TMEM94: variants seen among roughly 807,000 people sequenced by gnomAD.
TMEM94 encodes the protein transmembrane protein 94.
In TMEM94, 81 loss-of-function variants were observed where a neutral mutation model predicts 158.6. The observed-to-expected ratio is 0.51, with a 90% CI of 0.43 to 0.61. TMEM94 has a LOEUF of 0.61. Among genes scored for constraint, TMEM94 ranks in the 20% least tolerant of loss-of-function variants. TMEM94 has a pLI of 0.00. For synonymous variants in TMEM94, 751 were observed against 730.7 expected, an observed-to-expected ratio of 1.03 and a Z score of -0.45; for missense variants, 1,435 against 1,762.0, an observed-to-expected ratio of 0.81 and a Z score of 3.32.
intron 2 of TMEM94, chr17:75,476,686 GC>G: frequency 6.5e-7 from 1 of 1,535,700 alleles, no homozygotes; most frequent in Non-Finnish European, 8.7e-7. Context: ...TCAGACTCTG[GC>G]CCATGCTCTT....
intron 2 of TMEM94, among the ~76,000 whole-genome samples, chr17:75,478,640 CAG>C (rs900941147): frequency 2.0e-4 from 30 of 152,320 alleles, no homozygotes; most frequent in African/African-American, 7.0e-4. Context: ...GATGATAGAA[CAG>C]AGAGAGCAAG....
Position 75,491,279 on chromosome 17 carries a change from C to T in TMEM94, c.1234-24C>T. On this transcript the variant is annotated intron_variant, in intron 12 of 31. Transcript: ENST00000314256. The surrounding 1 kb of genome is among the most constrained non-coding windows in gnomAD (Gnocchi z 5.1). ...GATAGGCTAATGCCAGGCCCCTTTC[C>T]TATCTCAAATGCTTTCCATGCAGGT... is the stretch of plus-strand genomic sequence containing the variant. The T allele has an allele frequency of 6.2e-7, 1 of 1,609,694 alleles. No individual in the cohort carries two copies. Among genetic ancestry groups the T allele is most frequent in the Non-Finnish European group, 8.5e-7 (1 of 1,176,254 alleles).
intron 2 of TMEM94, among the ~76,000 whole-genome samples, chr17:75,473,222 A>G (rs974657660): frequency 4.6e-5 from 7 of 152,166 alleles, no homozygotes; most frequent in East Asian, 3.8e-4. Flanking sequence ...CAGCTGTGCA[A>G]TAGGTTTCTG....
At chr17:75,482,503 T>C (rs1484903391) in intron 2 of TMEM94, among the ~76,000 whole-genome samples, 1 of 150,254 alleles carries the variant, frequency 6.7e-6, no homozygotes, top group Admixed American at 6.7e-5. Context: ...CAAGACCCTG[T>C]CTCAATTTAA....
At chr17:75,482,304 C>G (rs1269659638) in intron 2 of TMEM94, among the ~76,000 whole-genome samples, 2 of 151,308 alleles carry the variant, frequency 1.3e-5, no homozygotes, top group African/African-American at 4.9e-5. Flanking sequence ...TGAGATTGCG[C>G]CACTGCACTC....
At chr17:75,479,773 G>T (rs374993807) in intron 2 of TMEM94, among the ~76,000 whole-genome samples, 18 of 152,274 alleles carry the variant, frequency 1.2e-4, no homozygotes, top group African/African-American at 4.1e-4. Flanking sequence ...CAAAAAATTA[G>T]CTGGGTGTCG....
intron 2 of TMEM94, among the ~76,000 whole-genome samples, chr17:75,479,540 G>A (rs943151554): frequency 6.8e-5 from 10 of 147,764 alleles, no homozygotes; most frequent in Non-Finnish European, 1.5e-4. Context: ...GGCTGGTCTC[G>A]AACTCCTCAT....
chr17:75,490,918 A>G, intron 11 of TMEM94, 131 bp from the exon 12 acceptor site: 1 of 939,944 alleles, frequency 1.1e-6, no homozygotes, highest in Non-Finnish European at 1.6e-6. Context: ...TAACGTGTCC[A>G]CACCCTGTCC....
chr17:75,478,164 C>T (rs1234600674), intron 2 of TMEM94, among the ~76,000 whole-genome samples: 2 of 89,494 alleles, frequency 2.2e-5, no homozygotes, highest in African/African-American at 4.3e-5. Context: ...GACAGGCGCC[C>T]GCCACTACGC....
chr17:75,489,429 G>T lies in TMEM94; in HGVS notation c.867+61G>T, dbSNP rs2051938688. On this transcript the variant is annotated intron_variant, in intron 8 of 31. Coordinates refer to ENST00000314256, the MANE Select transcript of TMEM94 (RefSeq NM_014738.6). This position sits in a 1 kb window ranked among gnomAD's most constrained non-coding sequence, Gnocchi z 5.0. ...CAGAGGAGAGGGCTGGACACGGGGG[G>T]GTCTCAGGGCCACTCACATGAGCGG... 6 of 1,546,038 alleles carry T rather than the reference G, an allele frequency of 3.9e-6. No homozygotes were observed. Among genetic ancestry groups the T allele is most frequent in the Admixed American group, 1.7e-5 (1 of 59,786 alleles).
chr17:75,478,329 TAAAA>T (rs57199058), intron 2 of TMEM94, among the ~76,000 whole-genome samples: 3 of 97,564 alleles, frequency 3.1e-5, no homozygotes, highest in African/African-American at 3.9e-5. Flanking sequence ...GACTCCATCT[TAAAA>T]AAAAAAAAAA....
At chr17:75,464,311 T>C (rs1334321527) in intron 1 of TMEM94, among the ~76,000 whole-genome samples, 1 of 151,996 alleles carries the variant, frequency 6.6e-6, no homozygotes, top group African/African-American at 2.4e-5. Flanking sequence ...CTGGGCAACA[T>C]AGACCCTGTC....
At chr17:75,493,256 C>A in intron 16 of TMEM94, 154 bp downstream of exon 16, 1 of 950,784 alleles carries the variant, frequency 1.1e-6, no homozygotes, top group Non-Finnish European at 1.5e-6. Context: ...GAATTGGGGA[C>A]CAGGGCTGGG....
chr17:75,488,053 G>C lies in TMEM94; in HGVS notation c.531G>C (p.Leu177=). 3 of 1,614,216 alleles carry C rather than the reference G, an allele frequency of 1.9e-6. No homozygotes were observed. The highest frequency in any genetic ancestry group is 2.5e-6 in the Non-Finnish European group (3 of 1,180,034). Residue 177 remains leucine, a synonymous_variant, in exon 6 of 32, where the codon CTG becomes CTC. Coordinates refer to ENST00000314256, the MANE Select transcript of TMEM94 (RefSeq NM_014738.6). ...ACAGAGACGGACACCTGGTCAACCT[G>C]CCAGTCAGCCTGCTGGTTGAAGGAG... ...WAYRDGHLVN[L]PVSLLVEGDI... is the part of the protein sequence containing the mutation.
At chr17:75,479,984 G>A (rs780820223) in intron 2 of TMEM94, among the ~76,000 whole-genome samples, 9 of 152,014 alleles carry the variant, frequency 5.9e-5, no homozygotes, top group Non-Finnish European at 7.4e-5. Context: ...CTGCTTGGAG[G>A]CTGAGGTGGG....
At position 75,489,862 on chromosome 17, in the gene TMEM94, T is replaced by C. The variant is rs553827966; in HGVS notation, c.954+200T>C. On this transcript the variant is annotated intron_variant, in intron 9 of 31. Coordinates refer to ENST00000314256, the MANE Select transcript of TMEM94 (RefSeq NM_014738.6). This position sits in a 1 kb window ranked among gnomAD's most constrained non-coding sequence, Gnocchi z 5.0. ...TTGGGAGGCCACGGCAGGCAGATCA[T>C]GAGGTCAAGAGATCGAGACCATCCT... The C allele has an allele frequency of 1.6e-6, 1 of 608,464 alleles. No homozygotes were observed. Among genetic ancestry groups the C allele is most frequent in the Admixed American group, 2.8e-5 (1 of 35,538 alleles). 37.7% of individuals were successfully genotyped at this position (608,464 alleles called of 1,614,324 possible). A position where few individuals can be genotyped will look rare whatever the true frequency, so the allele number is the denominator to read the frequency against.
chr17:75,484,774 C>T (rs1383569278), intron 2 of TMEM94, among the ~76,000 whole-genome samples: 13 of 152,056 alleles, frequency 8.5e-5, no homozygotes, highest in Admixed American at 7.2e-4. Flanking sequence ...CAGTGGCTCA[C>T]GCCAGTCATC....
intron 1 of TMEM94, among the ~76,000 whole-genome samples, chr17:75,459,975 C>T (rs970575114): frequency 6.6e-6 from 1 of 152,118 alleles, no homozygotes; most frequent in Non-Finnish European, 1.5e-5. Flanking sequence ...CCGAGCAGAC[C>T]CGCCAGCCAG....
chr17:75,496,100 G>T, intron 23 of TMEM94, 26 bp downstream of exon 23: 1 of 1,578,516 alleles, frequency 6.3e-7, no homozygotes. Flanking sequence ...TGGAGCCTGC[G>T]GGCCAGCCTC....
Sources: allele counts gnomAD v4.1 joint callset (sites outside exome capture counted in the v4.1 genomes callset), GRCh38; gene constraint gnomAD v4.1.1; non-coding constraint Gnocchi (gnomAD v3.1); transcripts MANE v1.5; gene names NCBI Gene and HGNC (gene_info 2026-07-23, HGNC 2026-07-21).